The following XKR6 variants were observed in gnomAD, a reference collection of about 807,000 sequenced individuals.
XKR6 encodes the protein XK related 6.
XKR6 carries 22 observed loss-of-function variants against 56.7 expected under a neutral mutation model. The ratio of observed to expected loss-of-function variants is 0.39; its 90% CI spans 0.28 to 0.55. The LOEUF is 0.55. XKR6 is among the 20% of genes least tolerant of loss of function. XKR6 has a pLI of 0.66. For missense variants in XKR6, 852 were observed against 889.0 expected, an observed-to-expected ratio of 0.96 and a Z score of 0.53; for synonymous variants, 524 against 387.8, an observed-to-expected ratio of 1.35 and a Z score of -4.13.
chr8:11,154,190 T>A (rs1392791582), intron 1 of XKR6, among the ~76,000 whole-genome samples: 2 of 152,136 alleles, frequency 1.3e-5, no homozygotes, highest in Non-Finnish European at 2.9e-5. Flanking sequence ...ACCAATCATG[T>A]GATTTAGGGT....
chr8:11,192,077 G>C (rs1317750968), intron 1 of XKR6, among the ~76,000 whole-genome samples: 1 of 152,068 alleles, frequency 6.6e-6, no homozygotes, highest in African/African-American at 2.4e-5. Context: ...ATAATCCTTG[G>C]GAGGACAAGG....
Position 10,897,590 on chromosome 8 carries a change from A to C in XKR6, c.*362T>G, listed in dbSNP as rs549055580. On this transcript the variant is annotated 3_prime_UTR_variant, in exon 3 of 3. Coordinates refer to ENST00000416569, the MANE Select transcript of XKR6 (RefSeq NM_173683.4). Reference sequence around the variant, plus strand: ...GATCTACACTTGGTGTAAGGTAAAAAACTTTTTTTTTTTCTTTTGGAGTGG... The same window carrying C: ...GATCTACACTTGGTGTAAGGTAAAACACTTTTTTTTTTTCTTTTGGAGTGG... 2 of 177,490 alleles carry C rather than the reference A, an allele frequency of 1.1e-5. No homozygotes were observed. Among genetic ancestry groups the C allele is most frequent in the East Asian group, 1.5e-4 (1 of 6,768 alleles). The allele number at this position is 177,490 out of a possible 1,614,324, so 11.0% of individuals were successfully genotyped here. A position where few individuals can be genotyped will look rare whatever the true frequency, so the allele number is the denominator to read the frequency against.
chr8:11,146,106 T>A (rs76598258), intron 1 of XKR6, among the ~76,000 whole-genome samples: 2 of 152,142 alleles, frequency 1.3e-5, no homozygotes, highest in South Asian at 4.1e-4. Context: ...TTTCAACAAA[T>A]AGTAATAGAA....
At chr8:11,130,424 G>T (rs111673811) in intron 1 of XKR6, among the ~76,000 whole-genome samples, 3 of 152,022 alleles carry the variant, frequency 2.0e-5, no homozygotes, top group Admixed American at 6.6e-5. Context: ...CACGCTCCTT[G>T]GAACCATCAG....
At chr8:10,945,151 A>G (rs1182611454) in intron 1 of XKR6, among the ~76,000 whole-genome samples, 3 of 152,214 alleles carry the variant, frequency 2.0e-5, no homozygotes, top group African/African-American at 7.2e-5. Context: ...TCAGGCCACC[A>G]GGGCCTTCTC....
intron 1 of XKR6, chr8:11,108,632 T>C (rs117071983): frequency 0.046 from 13,718 of 296,680 alleles, 436 homozygotes; most frequent in Non-Finnish European, 0.062. Context: ...TCCATTTCAT[T>C]AGGAAGCTCT....
rs185767714 is a variant in XKR6 at position 11,080,820 on chromosome 8, C to T, written c.764+119756G>A. 2.9e-3 allele frequency among the ~76,000 whole-genome samples: 437 copies of T among 152,370 alleles called. 2 individuals carry two copies. Among genetic ancestry groups the T allele is most frequent in the African/African-American group, 1.0e-2 (415 of 41,582 alleles). On this transcript the variant is annotated intron_variant, in intron 1 of 2. Coordinates refer to ENST00000416569, the MANE Select transcript of XKR6 (RefSeq NM_173683.4). ...GGGTCTGGCCACTCTGTGGCTTATGCAGGCCTCTCTGGGCACTGTTTGCCG... is the reference window on the plus strand; with the variant it reads ...GGGTCTGGCCACTCTGTGGCTTATGTAGGCCTCTCTGGGCACTGTTTGCCG...
chr8:11,131,502 T>C (rs1304544474), intron 1 of XKR6, among the ~76,000 whole-genome samples: 2 of 152,168 alleles, frequency 1.3e-5, no homozygotes, highest in African/African-American at 4.8e-5. Flanking sequence ...GCTAACGTTT[T>C]AAAAAATATT....
chr8:11,198,244 TTAAA>T (rs1419078962), intron 1 of XKR6, among the ~76,000 whole-genome samples: 1 of 152,176 alleles, frequency 6.6e-6, no homozygotes, highest in Non-Finnish European at 1.5e-5. Context: ...CTAGCAGGTA[TTAAA>T]ACAGCAGACC....
rs138659338 is a variant in XKR6, at chr8:10,963,672, G to A, written c.765-38842C>T. Reference sequence around the variant, plus strand: ...TCCTCCCACCTCAGCCTCCCAACCTGTAGCTGGGACCACAGGTAAATGCCA... The same window carrying A: ...TCCTCCCACCTCAGCCTCCCAACCTATAGCTGGGACCACAGGTAAATGCCA... On this transcript the variant is annotated intron_variant, in intron 1 of 2. Transcript: ENST00000416569. Among the ~76,000 whole-genome samples the A allele has an allele frequency of 4.6e-4, 70 of 152,056 alleles. 1 individual carries two copies. The East Asian group carries it at 0.013, about 29-fold the overall frequency.
intron 2 of XKR6, among the ~76,000 whole-genome samples, chr8:10,923,072 C>A (rs1800768753): frequency 6.6e-6 from 1 of 152,354 alleles, no homozygotes; most frequent in East Asian, 1.9e-4. Context: ...GCTGGTGTCA[C>A]CCCACTGGCA....
chr8:11,022,930 G>C (rs780845280), intron 1 of XKR6, among the ~76,000 whole-genome samples: 3 of 152,162 alleles, frequency 2.0e-5, no homozygotes, highest in Admixed American at 6.5e-5. Context: ...ACTCAAGGCC[G>C]TGACCCACAG....
At chr8:10,946,382 C>A (rs767200187) in intron 1 of XKR6, among the ~76,000 whole-genome samples, 1 of 152,086 alleles carries the variant, frequency 6.6e-6, no homozygotes, top group Non-Finnish European at 1.5e-5. Context: ...AGAGCCCACC[C>A]GGGGCAGTGA....
intron 1 of XKR6, chr8:11,137,003 G>C (rs193136290): frequency 6.6e-6 from 1 of 152,394 alleles, no homozygotes; most frequent in Non-Finnish European, 1.5e-5. Context: ...TAGTAGTGTT[G>C]ACCCTTAAGA....
intron 1 of XKR6, among the ~76,000 whole-genome samples, chr8:11,179,611 T>C (rs1206834640): frequency 2.0e-5 from 3 of 152,082 alleles, no homozygotes; most frequent in Non-Finnish European, 1.5e-5. Context: ...CCAACTCAGG[T>C]TTCATCAGGG....
intron 1 of XKR6, among the ~76,000 whole-genome samples, chr8:10,983,871 G>C (rs1797792029): frequency 6.6e-6 from 1 of 152,010 alleles, no homozygotes; most frequent in South Asian, 2.1e-4. Context: ...TAGCCAGGAT[G>C]GTCTTGATCT....
chr8:11,160,281 A>T (rs1456509136), intron 1 of XKR6, among the ~76,000 whole-genome samples: 2 of 152,076 alleles, frequency 1.3e-5, no homozygotes, highest in Non-Finnish European at 2.9e-5. Flanking sequence ...ATCACAATTT[A>T]TTTTTTTAAA....
chr8:11,107,272 T>C (rs927280950), intron 1 of XKR6, among the ~76,000 whole-genome samples: 13 of 151,566 alleles, frequency 8.6e-5, no homozygotes, highest in Non-Finnish European at 1.5e-4. Flanking sequence ...CGATCACAGC[T>C]CACTGCATGC....
intron 2 of XKR6, among the ~76,000 whole-genome samples, chr8:10,913,390 G>A (rs1475202433): frequency 6.6e-6 from 1 of 152,026 alleles, no homozygotes; most frequent in Non-Finnish European, 1.5e-5. Context: ...GCTCACAGAG[G>A]TTAACCGTTG....
Sources: allele counts gnomAD v4.1 joint callset (sites outside exome capture counted in the v4.1 genomes callset), GRCh38; gene constraint gnomAD v4.1.1; transcripts MANE v1.5; gene names NCBI Gene and HGNC (gene_info 2026-07-23, HGNC 2026-07-21).